The following DRC4 variants were observed in gnomAD, a reference collection of about 807,000 sequenced individuals.
DRC4 encodes dynein regulatory complex subunit 4, also known as GAS-11.
the DRC4 span, among the ~76,000 whole-genome samples, chr16:90,041,465 C>T: frequency 6.6e-6 from 1 of 152,308 alleles, no homozygotes; most frequent in South Asian, 2.1e-4. Context: ...CCCTTGCCCA[C>T]ATCTGGGCGG....
chr16:90,035,354 G>T, the DRC4 span, among the ~76,000 whole-genome samples: 3 of 152,204 alleles, frequency 2.0e-5, no homozygotes. Flanking sequence ...AGTGCAGCAG[G>T]TTGGAAGCTA....
the DRC4 span, chr16:90,031,255 G>A: frequency 1.9e-6 from 3 of 1,608,220 alleles, no homozygotes; most frequent in Non-Finnish European, 2.5e-6. Context: ...TGCCGTGCAT[G>A]GGCCCCTGCT....
At chr16:90,024,699 T>C in the DRC4 span, among the ~76,000 whole-genome samples, 2 of 152,162 alleles carry the variant, frequency 1.3e-5, no homozygotes, top group South Asian at 4.2e-4. Flanking sequence ...TATAACTGAG[T>C]TTCTGCTTAC....
chr16:90,034,158 C>T, the DRC4 span, among the ~76,000 whole-genome samples: 1 of 152,296 alleles, frequency 6.6e-6, no homozygotes, highest in East Asian at 1.9e-4. Flanking sequence ...ACATTTGCCT[C>T]ACGCCTGGAA....
At chr16:90,029,448 G>T in the DRC4 span, 2 of 657,988 alleles carry the variant, frequency 3.0e-6, no homozygotes, top group African/African-American at 1.9e-5. Context: ...TCTGAATATT[G>T]AGTGATGGCA....
At chr16:90,023,008 C>A in the DRC4 span, among the ~76,000 whole-genome samples, 1 of 152,228 alleles carries the variant, frequency 6.6e-6, no homozygotes, top group African/African-American at 2.4e-5. Flanking sequence ...GGCGCACGGT[C>A]CCCAGAAGAG....
the DRC4 span, chr16:90,043,423 A>G: frequency 7.3e-7 from 1 of 1,374,718 alleles, no homozygotes; most frequent in East Asian, 2.3e-5. Context: ...CACCAAGGAC[A>G]GCAAGTTTTT....
At chr16:90,036,799 C>T in the DRC4 span, 1 of 686,952 alleles carries the variant, frequency 1.5e-6, no homozygotes, top group Non-Finnish European at 2.6e-6. Flanking sequence ...AGGATATTGC[C>T]CTCACCGTAG....
At chr16:90,035,926 T>C in the DRC4 span, 1 of 1,430,778 alleles carries the variant, frequency 7.0e-7, no homozygotes, top group Non-Finnish European at 9.1e-7. Context: ...CACTCCTAGC[T>C]AAAATCAGTA....
chr16:90,043,593 T>A, the DRC4 span: 1 of 605,200 alleles, frequency 1.7e-6, no homozygotes, highest in Non-Finnish European at 3.1e-6. Context: ...GCCTACTCCC[T>A]GGTCTCACCT....
the DRC4 span, chr16:90,042,867 A>T: frequency 4.0e-6 from 2 of 500,652 alleles, no homozygotes; most frequent in Non-Finnish European, 7.2e-6. Flanking sequence ...CAACAGGGGA[A>T]GGGAGGGCGT....
At chr16:90,029,355 G>A in the DRC4 span, 13 of 1,326,852 alleles carry the variant, frequency 9.8e-6, no homozygotes, top group Admixed American at 2.0e-5. Context: ...GTTCACTGGG[G>A]AGTGCCTTGT....
the DRC4 span, chr16:90,040,651 C>A: frequency 1.0e-3 from 530 of 520,678 alleles, 69 homozygotes; most frequent in African/African-American, 0.012. Context: ...TTCCTGTGGC[C>A]AGTTTCGGGC....
At chr16:90,032,453 G>C in the DRC4 span, among the ~76,000 whole-genome samples, 2 of 149,978 alleles carry the variant, frequency 1.3e-5, no homozygotes, top group African/African-American at 4.9e-5. Flanking sequence ...GGTATGGACA[G>C]GTGAGGAGGT....
At chr16:90,022,080 C>T in the DRC4 span, 1 of 152,166 alleles carries the variant, frequency 6.6e-6, no homozygotes, top group South Asian at 2.1e-4. Context: ...TCTTTTCATC[C>T]GTGAGGAGTG....
the DRC4 span, chr16:90,032,693 A>G: frequency 1.9e-6 from 3 of 1,609,268 alleles, no homozygotes; most frequent in Non-Finnish European, 2.6e-6. Flanking sequence ...GCAGGTGAGC[A>G]GATGGTACTC....
At chr16:90,030,509 T>A in the DRC4 span, among the ~76,000 whole-genome samples, 1 of 47,404 alleles carries the variant, frequency 2.1e-5, no homozygotes, top group African/African-American at 1.4e-4. Context: ...CCTGGCTAAT[T>A]TTTTTTTTTT....
the DRC4 span, chr16:90,040,343 C>T: frequency 6.2e-7 from 1 of 1,604,116 alleles, no homozygotes; most frequent in African/African-American, 1.3e-5. Flanking sequence ...TTCACCGCAG[C>T]CATCCAGGAG....
chr16:90,022,642 G>A, the DRC4 span: 2 of 1,385,976 alleles, frequency 1.4e-6, 1 homozygote. Context: ...GCATCGCCCA[G>A]CGGTTGCCGG....
Sources: allele counts gnomAD v4.1 joint callset (sites outside exome capture counted in the v4.1 genomes callset), GRCh38; gene constraint gnomAD v4.1.1; transcripts MANE v1.5; gene names NCBI Gene and HGNC (gene_info 2026-07-23, HGNC 2026-07-21).